The following QRSL1 variants were observed in gnomAD, a reference collection of about 807,000 sequenced individuals.
QRSL1 encodes the protein glutamyl-tRNA(Gln) amidotransferase subunit A, mitochondrial.
In QRSL1, 54 loss-of-function variants were observed where a neutral mutation model predicts 61.6. The ratio of observed to expected loss-of-function variants is 0.88; its 90% CI spans 0.70 to 1.10. QRSL1 has a LOEUF of 1.10. QRSL1 is among the 50% of genes least tolerant of loss of function. The pLI, the probability that QRSL1 is intolerant of heterozygous loss-of-function variation, is 0.00. For missense variants in QRSL1, 505 were observed against 622.6 expected, an observed-to-expected ratio of 0.81 and a Z score of 2.01; for synonymous variants, 228 against 225.7, an observed-to-expected ratio of 1.01 and a Z score of -0.09.
At chr6:106,641,414 T>G (rs7750365) in intron 3 of QRSL1, among the ~76,000 whole-genome samples, 67,116 of 152,038 alleles carry the variant, frequency 0.44, 15,341 homozygotes, top group African/African-American at 0.48. Flanking sequence ...GTGGATGACG[T>G]GAGGATTCAT....
At chr6:106,650,054 CTTA>C (rs1777169323) in intron 5 of QRSL1, among the ~76,000 whole-genome samples, 2 of 151,976 alleles carry the variant, frequency 1.3e-5, no homozygotes, top group Non-Finnish European at 2.9e-5. Flanking sequence ...TTCCTAAAAT[CTTA>C]TTAACAAGTA....
chr6:106,639,481 G>A (rs923706451), intron 1 of QRSL1, among the ~76,000 whole-genome samples: 1 of 152,096 alleles, frequency 6.6e-6, no homozygotes, highest in African/African-American at 2.4e-5. Context: ...AACAGTGCCT[G>A]GCTCTTGGAA....
At chr6:106,632,264 A>G (rs1390624556) in intron 1 of QRSL1, among the ~76,000 whole-genome samples, 1 of 152,262 alleles carries the variant, frequency 6.6e-6, no homozygotes, top group African/African-American at 2.4e-5. Context: ...TAGTGCTGCA[A>G]TAAACATGAG....
rs770880684 is a variant in QRSL1 at position 106,663,014 on chromosome 6, G to C, written c.1195G>C (p.Val399Leu). Reference protein sequence around the residue: ...YENYFVKAQKVRRLIANDFVN... With the variant: ...YENYFVKAQKLRRLIANDFVN... ...AAATTATTTTGTCAAAGCACAGAAA[G>C]TGAGACGCCTCATTGCTAATGACTT... Residue 399 changes from valine to leucine, a missense_variant, in exon 10 of 11, where the codon GTG (valine) becomes CTG (leucine). Val to Leu is a conservative substitution (Grantham distance 32, BLOSUM62 1). Transcript: ENST00000369046. The C allele has an allele frequency of 5.0e-6, 8 of 1,612,676 alleles. No individual in the cohort carries two copies. In the South Asian group the frequency reaches 8.8e-5, roughly 18 times the overall value.
chr6:106,639,370 C>G (rs186486189), intron 1 of QRSL1, among the ~76,000 whole-genome samples: 1 of 151,996 alleles, frequency 6.6e-6, no homozygotes, highest in Non-Finnish European at 1.5e-5. Flanking sequence ...GTGATCTACC[C>G]GCCTTGGCCT....
chr6:106,630,338 C>T (rs1010491525), intron 1 of QRSL1, among the ~76,000 whole-genome samples: 1 of 152,098 alleles, frequency 6.6e-6, no homozygotes, highest in Non-Finnish European at 1.5e-5. Flanking sequence ...TCTCAACCCC[C>T]GTCTTAAAAA....
At chr6:106,645,651 G>C (rs1366428277) in intron 4 of QRSL1, among the ~76,000 whole-genome samples, 3 of 152,142 alleles carry the variant, frequency 2.0e-5, no homozygotes, top group East Asian at 3.8e-4. Flanking sequence ...TCAAACTCCT[G>C]ACCTTGTGAT....
At chr6:106,629,938 G>T (rs1445559808) in intron 1 of QRSL1, among the ~76,000 whole-genome samples, 1 of 152,088 alleles carries the variant, frequency 6.6e-6, no homozygotes, top group Non-Finnish European at 1.5e-5. Flanking sequence ...TGGTGAAGCG[G>T]CTTCTCACCA....
rs1040238781 is a variant in QRSL1 at position 106,647,792 on chromosome 6, A to G, written c.381-1233A>G. ...CAGCCTCCCGAGTAGCTGGGACTAC[A>G]GGCGCCCGCCACCACGCCCGGCTAA... On this transcript the variant is annotated intron_variant, in intron 4 of 10. Coordinates refer to ENST00000369046, the MANE Select transcript of QRSL1 (RefSeq NM_018292.5). 5.4e-4 allele frequency among the ~76,000 whole-genome samples: 79 copies of G among 145,824 alleles called. 2 individuals are homozygous for G. Among genetic ancestry groups the G allele is most frequent in the Admixed American group, 2.7e-4 (4 of 14,636 alleles).
chr6:106,666,594 A>G lies in QRSL1; in HGVS notation c.*592A>G, dbSNP rs1777438255. 1.3e-5 allele frequency: 2 copies of G among 154,202 alleles called. No homozygotes were observed. The highest frequency in any genetic ancestry group is 2.4e-5 in the African/African-American group (1 of 41,460). The allele number at this position is 154,202 out of a possible 1,614,324, so 9.6% of individuals were successfully genotyped here. On this transcript the variant is annotated 3_prime_UTR_variant, in exon 11 of 11. Coordinates refer to ENST00000369046, the MANE Select transcript of QRSL1 (RefSeq NM_018292.5). ...TCATTAAAGAGTTTACAGTAAAAAT[A>G]AGATTAGGGATAAACTTCTCAAAAA... is the stretch of plus-strand genomic sequence containing the variant.
At chr6:106,654,968 AT>A in intron 8 of QRSL1, 46 bp downstream of exon 8, 1 of 1,478,872 alleles carries the variant, frequency 6.8e-7, no homozygotes. Context: ...TGTCGCAAAC[AT>A]TTGAAAAGTT....
At chr6:106,641,490 A>G (rs115330251) in intron 3 of QRSL1, among the ~76,000 whole-genome samples, 190 of 152,278 alleles carry the variant, frequency 1.2e-3, no homozygotes, top group African/African-American at 4.5e-3. Context: ...CAGTATGGCA[A>G]TGCTTAGATT....
At chr6:106,645,981 G>C (rs897890835) in intron 4 of QRSL1, among the ~76,000 whole-genome samples, 1 of 152,168 alleles carries the variant, frequency 6.6e-6, no homozygotes, top group Non-Finnish European at 1.5e-5. Context: ...ATGTTGAATA[G>C]AAGTGGTGAG....
intron 10 of QRSL1, among the ~76,000 whole-genome samples, chr6:106,664,565 C>T (rs142763755): frequency 1.3e-3 from 191 of 152,256 alleles, no homozygotes; most frequent in African/African-American, 4.5e-3. Context: ...CAGTTCTTAT[C>T]TTTAGCACTT....
intron 7 of QRSL1, among the ~76,000 whole-genome samples, chr6:106,654,290 C>T (rs1010760446): frequency 1.3e-5 from 2 of 151,116 alleles, no homozygotes; most frequent in African/African-American, 2.4e-5. Context: ...GCGGAGCCTG[C>T]AGTGAGCTGA....
rs1777434220 is a variant in QRSL1 at position 106,666,312 on chromosome 6, G to A, written c.*310G>A. 3.5e-6 allele frequency: 1 copy of A among 282,666 alleles called. No individual in the cohort carries two copies. The highest frequency in any genetic ancestry group is 8.6e-5 in the East Asian group (1 of 11,564). The allele number at this position is 282,666 out of a possible 1,614,324, so 17.5% of individuals were successfully genotyped here. A position where few individuals can be genotyped will look rare whatever the true frequency, so the allele number is the denominator to read the frequency against. On this transcript the variant is annotated 3_prime_UTR_variant, in exon 11 of 11. Transcript: ENST00000369046. ...AGCCTGGGTGACAAAGCAAGACTGT[G>A]TCTCAAAATAAATAAATAAAATAAA...
rs752057686 is a variant in QRSL1, at chr6:106,649,201, C to G, written c.557C>G (p.Ala186Gly). 1.2e-6 allele frequency: 2 copies of G among 1,613,380 alleles called. No individual in the cohort carries two copies. Among genetic ancestry groups the G allele is most frequent in the African/African-American group, 2.7e-5 (2 of 74,794 alleles). Reference protein sequence around the residue: ...AAAVSAFTCYAALGSDTGGST... With the variant: ...AAAVSAFTCYGALGSDTGGST... ...GCTGTATCGGCGTTCACATGCTACG[C>G]GTAAGATGCTTTTCTCTATCTGTAT... is the stretch of plus-strand genomic sequence containing the variant. Residue 186 changes from alanine to glycine, a missense_variant and splice_region_variant, in exon 5 of 11, where the codon GCG becomes GGG. Physicochemically the swap from Ala to Gly is moderately conservative, Grantham distance 60. Transcript: ENST00000369046.
In QRSL1 at chr6:106,668,086, A is replaced by C. The variant is rs1411682679; in HGVS notation, c.*2084A>C. The C allele has an allele frequency of 6.6e-6, 1 of 152,014 alleles. No homozygotes were observed. The highest frequency in any genetic ancestry group is 1.5e-5 in the Non-Finnish European group (1 of 68,022). The allele number at this position is 152,014 out of a possible 1,614,324, so 9.4% of individuals were successfully genotyped here. The stretch of plus-strand genomic sequence containing the variant: ...TGAGATTAAAGACGTGAGCCACCAC[A>C]CCTGGCCGAAATAATAATATTCAAT... On this transcript the variant is annotated 3_prime_UTR_variant, in exon 11 of 11. Transcript: ENST00000369046.
chr6:106,655,035 GT>G, intron 8 of QRSL1, 113 bp downstream of exon 8: 1 of 959,956 alleles, frequency 1.0e-6, no homozygotes. Flanking sequence ...ATTCAGAAAA[GT>G]TCATCAGTGA....
Sources: gnomAD v4.1 joint callset for allele counts (sites outside exome capture counted in the v4.1 genomes callset) on GRCh38, gnomAD v4.1.1 for gene constraint, MANE v1.5 for transcripts, NCBI Gene and HGNC (gene_info 2026-07-23, HGNC 2026-07-21) for gene names.